Variants in SLC28A3 observed in about 807,000 individuals in gnomAD.
SLC28A3 encodes the protein solute carrier family 28 member 3.
A neutral mutation model predicts 84.2 loss-of-function variants in SLC28A3; 68 were observed. The ratio of observed to expected loss-of-function variants is 0.81; its 90% confidence interval spans 0.66 to 0.99. The LOEUF is 0.99. Ranked by LOEUF, SLC28A3 falls within the 50% of genes least tolerant of loss-of-function variation. The pLI is 0.00. For synonymous variants in SLC28A3, 267 were observed against 303.6 expected (o/e 0.88, Z 1.25); for missense variants, 712 against 841.5 (o/e 0.85, Z 1.90).
chr9:84,345,784 AT>A, the SLC28A3 span, among the ~76,000 whole-genome samples: 47 of 152,192 alleles, frequency 3.1e-4, no homozygotes, highest in African/African-American at 1.1e-3. Flanking sequence ...GTAATTTAAA[AT>A]TGTATGTTTC....
intron 8 of SLC28A3, among the ~76,000 whole-genome samples, chr9:84,296,655 A>C (rs1213663830): frequency 6.6e-6 from 1 of 152,192 alleles, no homozygotes; most frequent in African/African-American, 2.4e-5. Context: ...CTGTAAAATA[A>C]TGTTCCTTCT....
At chr9:84,357,335 C>T in the SLC28A3 span, among the ~76,000 whole-genome samples, 1 of 152,134 alleles carries the variant, frequency 6.6e-6, no homozygotes, top group South Asian at 2.1e-4. Flanking sequence ...CCTTCCAAGA[C>T]TGTTTTGAGT....
Position 84,340,574 on chromosome 9 carries a change from C to A in SLC28A3, c.60G>T (p.Gln20His), listed in dbSNP as rs769268620. ...RAEGYSNVGFQNEENFLENEN... is the reference protein window; with the variant it reads ...RAEGYSNVGFHNEENFLENEN... ...AACATAAGAGGAAAGCTCTGCTCAC[C>A]TGGAAGCCCACGTTGCTGTAGCCCT... The change falls in exon 1 of 18, where the codon CAG becomes CAT. Residue 20 changes from glutamine (Q) to histidine (H), a missense_variant and splice_region_variant. By Grantham distance (24) the Gln-to-His change is conservative. Coordinates refer to ENST00000376238, the MANE Select transcript of SLC28A3 (RefSeq NM_001199633.2). 1.2e-6 allele frequency: 2 copies of A among 1,614,150 alleles called. No homozygotes were observed. Among genetic ancestry groups the A allele is most frequent in the Non-Finnish European group, 1.7e-6 (2 of 1,180,018 alleles).
At chr9:84,309,508 G>A in intron 3 of SLC28A3, 121 bp downstream of exon 3, 2 of 687,010 alleles carry the variant, frequency 2.9e-6, no homozygotes, top group Non-Finnish European at 2.2e-6. Context: ...GGGTGACAAA[G>A]TGAGACTCTT....
At chr9:84,305,792 G>A (rs1011837151) in intron 3 of SLC28A3, among the ~76,000 whole-genome samples, 3 of 152,150 alleles carry the variant, frequency 2.0e-5, no homozygotes, top group Non-Finnish European at 4.4e-5. Flanking sequence ...GAGCAAGTTG[G>A]TGGTGCTCTG....
At chr9:84,355,607 T>C in the SLC28A3 span, among the ~76,000 whole-genome samples, 2 of 152,118 alleles carry the variant, frequency 1.3e-5, no homozygotes, top group Non-Finnish European at 2.9e-5. Flanking sequence ...AGCTCTGAAG[T>C]CAGACTGCCT....
chr9:84,342,139 A>G (rs1225049646), upstream of SLC28A3, among the ~76,000 whole-genome samples: 1 of 135,492 alleles, frequency 7.4e-6, no homozygotes, highest in African/African-American at 3.3e-5. Context: ...AAAAAAAAAA[A>G]AAAAAGAAAA....
intron 2 of SLC28A3, among the ~76,000 whole-genome samples, chr9:84,311,410 C>A (rs1825983373): frequency 6.6e-6 from 1 of 151,158 alleles, no homozygotes; most frequent in South Asian, 2.1e-4. Flanking sequence ...ACATTTGTTA[C>A]AACTGAGGAG....
intron 11 of SLC28A3, among the ~76,000 whole-genome samples, chr9:84,289,449 T>C (rs1210885549): frequency 2.6e-5 from 4 of 152,236 alleles, no homozygotes; most frequent in African/African-American, 4.8e-5. Flanking sequence ...TCTAGCCTTA[T>C]ACTACAGACT....
At chr9:84,318,404 T>C (rs536555975) in intron 1 of SLC28A3, among the ~76,000 whole-genome samples, 5 of 152,172 alleles carry the variant, frequency 3.3e-5, no homozygotes, top group Non-Finnish European at 5.9e-5. Context: ...CAGAACACTG[T>C]TAACATTCTT....
intron 3 of SLC28A3, among the ~76,000 whole-genome samples, chr9:84,306,602 A>G (rs916795072): frequency 1.3e-5 from 2 of 152,042 alleles, no homozygotes; most frequent in Non-Finnish European, 2.9e-5. Flanking sequence ...TTCCCAACCC[A>G]TTAACCTTAG....
chr9:84,320,040 G>GTTTTTTGTTTTTTTT (rs1826311957), intron 1 of SLC28A3, among the ~76,000 whole-genome samples: 1 of 59,566 alleles, frequency 1.7e-5, no homozygotes, highest in Non-Finnish European at 3.0e-5. Context: ...GGCTTGCACT[G>GTTTTTTGTTTTTTTT]TTTTTTTTTT....
At chr9:84,280,980 G>A (rs1354617379) in intron 14 of SLC28A3, 98 bp from the exon 15 acceptor site, 1 of 1,132,360 alleles carries the variant, frequency 8.8e-7, no homozygotes, top group Non-Finnish European at 1.3e-6. Flanking sequence ...ATTCAATATT[G>A]ACAAATAAAT....
intron 1 of SLC28A3, among the ~76,000 whole-genome samples, chr9:84,334,485 G>A (rs2118601805): frequency 6.6e-6 from 1 of 152,260 alleles, no homozygotes; most frequent in East Asian, 1.9e-4. Flanking sequence ...TTTACCCCAG[G>A]GAAGGGAGGC....
rs140340331 is a variant in SLC28A3, at chr9:84,292,684, T to C, written c.1007A>G (p.Asn336Ser). The change falls in exon 10 of 18, where the codon AAT (asparagine) becomes AGT (serine). Residue 336 changes from asparagine (N) to serine (S), a missense_variant. Coordinates refer to ENST00000376238, the MANE Select transcript of SLC28A3 (RefSeq NM_001199633.2). ...SPIESVVASG[N>S]IFVGQTESPL... ...ACAACTTACTTGTCCAACAAATATA[T>C]TGCCAGAAGCAACTACAGATTCAAT... The C allele has an allele frequency of 6.2e-4, 999 of 1,609,938 alleles. 1 individual carries two copies. Among genetic ancestry groups the C allele is most frequent in the South Asian group, 1.2e-3 (111 of 90,102 alleles).
intron 1 of SLC28A3, among the ~76,000 whole-genome samples, chr9:84,331,139 T>G (rs1229481402): frequency 6.6e-6 from 1 of 152,162 alleles, no homozygotes; most frequent in African/African-American, 2.4e-5. Context: ...CCCCTAAAAA[T>G]AAGTCTAGGT....
At chr9:84,293,464 C>T (rs1162768715) in intron 9 of SLC28A3, among the ~76,000 whole-genome samples, 1 of 152,116 alleles carries the variant, frequency 6.6e-6, no homozygotes, top group Non-Finnish European at 1.5e-5. Context: ...TTCTGGTTCC[C>T]TCTCTCTCTT....
At chr9:84,327,925 C>CA (rs60624658) in intron 1 of SLC28A3, among the ~76,000 whole-genome samples, 52,648 of 107,198 alleles carry the variant, frequency 0.49, 13,509 homozygotes, top group Admixed American at 0.61. Context: ...GACTCCATTT[C>CA]AAAAAAAAAA....
chr9:84,285,877 C>T, intron 13 of SLC28A3, 66 bp downstream of exon 13: 3 of 1,524,110 alleles, frequency 2.0e-6, no homozygotes. Context: ...GTTTACAAAC[C>T]TATTTTATTT....
Sources: allele counts gnomAD v4.1 joint callset (sites outside exome capture counted in the v4.1 genomes callset), GRCh38; gene constraint gnomAD v4.1.1; transcripts MANE v1.5; gene names NCBI Gene and HGNC (gene_info 2026-07-23, HGNC 2026-07-21).